TAF1: variants seen among roughly 807,000 people sequenced by gnomAD.
TAF1 encodes transcription initiation factor TFIID subunit 1.
A neutral mutation model predicts 138.5 loss-of-function variants in TAF1; 2 were observed. The ratio of observed to expected loss-of-function variants is 0.01; its 90% CI spans 0.01 to 0.05. The LOEUF (loss-of-function observed/expected upper bound fraction) is 0.05. Ranked by LOEUF, TAF1 falls within the 10% of genes least tolerant of loss-of-function variation. TAF1 has a pLI of 1.00. For synonymous variants in TAF1, 437 were observed against 503.2 expected (o/e 0.87, Z 1.76); for missense variants, 709 against 1,478.0 (o/e 0.48, Z 8.53).
At position 71,424,161 on chromosome X, in the gene TAF1, C is replaced by G. The variant is rs1349318142; in HGVS notation, c.4676C>G (p.Ser1559Cys). Residue 1559 changes from serine (S) to cysteine (C), a missense_variant, in exon 32 of 38, where the codon TCC (serine) becomes TGC (cysteine). Ser to Cys is a moderately radical substitution (Grantham distance 112). This residue lies in a region of TAF1 where 36 missense variants were observed against 47.3 expected (regional missense o/e 0.76). Coordinates refer to ENST00000423759, the MANE Select transcript of TAF1 (RefSeq NM_004606.5). The part of the protein sequence containing the change: ...MDLETIRKNI[S>C]KHKYQSRESF... ...TGATTCTTTTCATCACAGAACATCT[C>G]CAAGCACAAGTATCAGAGTCGGGAG... The G allele has an allele frequency of 9.9e-6, 12 of 1,210,212 alleles. No individual in the cohort carries two copies. Among genetic ancestry groups the G allele is most frequent in the Non-Finnish European group, 1.2e-5 (11 of 894,655 alleles).
chrX:71,445,282 AGAGT>A (rs2037637622), intron 32 of TAF1, among the ~76,000 whole-genome samples: 1 of 100,235 alleles, frequency 1.0e-5, no homozygotes, highest in Non-Finnish European at 2.0e-5. Context: ...CCTGGACGAC[AGAGT>A]GAGACTCATC....
intron 8 of TAF1, among the ~76,000 whole-genome samples, chrX:71,380,871 A>G (rs1602477310): frequency 9.0e-6 from 1 of 110,964 alleles, no homozygotes; most frequent in African/African-American, 3.3e-5. Context: ...TTGTATTTTT[A>G]GTAGAGACGG....
intron 8 of TAF1, 73 bp downstream of exon 8, chrX:71,379,104 G>GTTTTT: frequency 8.1e-6 from 3 of 372,367 alleles, no homozygotes; most frequent in South Asian, 6.2e-5. Flanking sequence ...GCTCAGCTGT[G>GTTTTT]ATTTTTTTTT....
intron 13 of TAF1, among the ~76,000 whole-genome samples, chrX:71,516,572 T>C (rs2039829271): frequency 9.4e-6 from 1 of 106,665 alleles, no homozygotes; most frequent in Non-Finnish European, 1.9e-5. Flanking sequence ...AGCCCAAGAG[T>C]TCAAGGCTAC....
At chrX:71,408,462 A>C (rs1402324740) in intron 28 of TAF1, among the ~76,000 whole-genome samples, 4 of 110,230 alleles carry the variant, frequency 3.6e-5, no homozygotes, top group Non-Finnish European at 1.9e-5. Context: ...GATTACAGGC[A>C]TGCGCCACCA....
intron 25 of TAF1, among the ~76,000 whole-genome samples, chrX:71,405,598 G>T (rs754106760): frequency 7.9e-4 from 89 of 112,501 alleles, no homozygotes; most frequent in African/African-American, 2.8e-3. Flanking sequence ...CAATCCGCCT[G>T]CCTGGGCCTT....
chrX:71,473,132 A>G (rs888308518), intron 13 of TAF1, among the ~76,000 whole-genome samples: 1 of 112,300 alleles, frequency 8.9e-6, no homozygotes, highest in African/African-American at 3.2e-5. Context: ...TGTCACAGGT[A>G]GTCAGATAGA....
At chrX:71,447,003 A>T (rs1569357253) in intron 32 of TAF1, among the ~76,000 whole-genome samples, 1 of 112,345 alleles carries the variant, frequency 8.9e-6, no homozygotes, top group African/African-American at 3.2e-5. Context: ...GAAGATAAAT[A>T]TCTAAGAATT....
Position 71,454,884 on chromosome X carries a change from CAT to C in TAF1, c.4938+31_4938+32del, listed in dbSNP as rs1569368024. The C allele has an allele frequency of 2.5e-6, 3 of 1,204,515 alleles. No homozygotes were observed. In the African/African-American group the frequency reaches 5.2e-5, roughly 21 times the overall value. ...TGAGTCTGAGGACTAAGTACTTCCT[CAT>C]ATAGTTTTCTTATTGGTTTGGGAAA... On this transcript the variant is annotated intron_variant, in intron 34 of 37. Transcript: ENST00000423759.
chrX:71,366,576 C>G, intron 1 of TAF1, 82 bp downstream of exon 1: 2 of 984,785 alleles, frequency 2.0e-6, no homozygotes, highest in South Asian at 4.8e-5. Context: ...GGAGAGGGTG[C>G]TCAGGCAGCG....
chrX:71,445,123 C>T (rs899009402), intron 32 of TAF1, among the ~76,000 whole-genome samples: 14 of 108,411 alleles, frequency 1.3e-4, no homozygotes, highest in East Asian at 2.9e-4. Flanking sequence ...TGGTGAAACC[C>T]GTCTCTACTA....
At chrX:71,369,450 A>G (rs2032850058) in intron 3 of TAF1, among the ~76,000 whole-genome samples, 1 of 112,006 alleles carries the variant, frequency 8.9e-6, no homozygotes, top group Non-Finnish European at 1.9e-5. Context: ...TCTAGTAGAA[A>G]AGGAAAACTT....
intron 13 of TAF1, among the ~76,000 whole-genome samples, chrX:71,478,738 C>T (rs2039023082): frequency 9.0e-6 from 1 of 111,651 alleles, no homozygotes; most frequent in African/African-American, 3.3e-5. Context: ...GACAATATAT[C>T]GGTAAGAAAA....
intron 13 of TAF1, among the ~76,000 whole-genome samples, chrX:71,487,387 G>A (rs1162766465): frequency 7.1e-5 from 7 of 98,332 alleles, no homozygotes; most frequent in African/African-American, 2.7e-4. Context: ...GCAGTGGCGC[G>A]ACCTTGGCTC....
In TAF1 at chrX:71,388,808, G is replaced by A; in HGVS notation, c.2640G>A (p.Met880Ile). ...CAACGGAAGAAGAGATCAGAGCTAT[G>A]GTGTCACCAGAGCAGTGCTGTGCTT... ...RLPTEEEIRAMVSPEQCCAYY... is the reference protein window; with the variant it reads ...RLPTEEEIRAIVSPEQCCAYY... Residue 880 changes from methionine to isoleucine, a missense_variant, in exon 17 of 38, where the codon ATG becomes ATA. This residue lies in a region of TAF1 where 23 missense variants were observed against 24.4 expected (regional missense o/e 0.94). Transcript: ENST00000423759. 1 of 1,211,597 alleles carries A rather than the reference G, an allele frequency of 8.3e-7. No individual in the cohort carries two copies.
intron 16 of TAF1, 100 bp from the exon 17 acceptor site, chrX:71,388,638 C>A: frequency 9.0e-7 from 1 of 1,105,309 alleles, no homozygotes; most frequent in Non-Finnish European, 1.2e-6. Context: ...TGTGGCTAGG[C>A]CTGTTACAGT....
intron 32 of TAF1, among the ~76,000 whole-genome samples, chrX:71,449,061 C>T (rs1015835977): frequency 1.8e-5 from 2 of 110,477 alleles, no homozygotes; most frequent in Admixed American, 9.6e-5. Flanking sequence ...GGCGCGATCT[C>T]GGCTCACCGC....
chrX:71,498,151 G>A (rs895249473), intron 13 of TAF1, among the ~76,000 whole-genome samples: 1 of 111,798 alleles, frequency 8.9e-6, no homozygotes. Flanking sequence ...TAGACCTTGC[G>A]CCAGTGCCTG....
intron 28 of TAF1, among the ~76,000 whole-genome samples, chrX:71,417,352 G>A (rs1367443269): frequency 4.5e-5 from 5 of 110,139 alleles, no homozygotes; most frequent in Non-Finnish European, 9.5e-5. Flanking sequence ...ATAATTATAA[G>A]AAATTTCTTG....
Sources: gnomAD v4.1 joint callset for allele counts (sites outside exome capture counted in the v4.1 genomes callset) on GRCh38, gnomAD v4.1.1 for gene constraint, gnomAD v4.1.1 regional missense constraint, MANE v1.5 for transcripts, NCBI Gene and HGNC (gene_info 2026-07-23, HGNC 2026-07-21) for gene names.